Variants in CA13 observed in about 807,000 individuals in gnomAD.
CA13 encodes the protein carbonic anhydrase 13.
CA13 carries 21 observed loss-of-function variants against 31.5 expected under a neutral mutation model. That is an observed-to-expected ratio of 0.67 (90% CI 0.47 to 0.96). The LOEUF is 0.96. Ranked by LOEUF, CA13 falls within the 40% of genes least tolerant of loss-of-function variation. The pLI, the probability that CA13 is intolerant of heterozygous loss-of-function variation, is 0.00. For missense variants in CA13, 315 were observed against 318.9 expected, an observed-to-expected ratio of 0.99 and a Z score of 0.09; for synonymous variants, 117 against 111.4, an observed-to-expected ratio of 1.05 and a Z score of -0.32.
chr8:85,257,870 G>A (rs1451901286), intron 2 of CA13, among the ~76,000 whole-genome samples: 1 of 148,026 alleles, frequency 6.8e-6, no homozygotes, highest in African/African-American at 2.5e-5. Context: ...GACCTCAAGT[G>A]ATCCACCTGC....
At chr8:85,274,588 A>G (rs1322277424) in intron 6 of CA13, among the ~76,000 whole-genome samples, 2 of 152,218 alleles carry the variant, frequency 1.3e-5, no homozygotes, top group African/African-American at 4.8e-5. Context: ...AACTTACCAT[A>G]GACCCCACCT....
chr8:85,246,178 C>G lies in CA13; in HGVS notation c.37+313C>G. 5.8e-6 allele frequency: 3 copies of G among 518,810 alleles called. No individual in the cohort carries two copies. In the South Asian group the frequency reaches 6.0e-5, roughly 10 times the overall value. 32.1% of individuals were successfully genotyped at this position (518,810 alleles called of 1,614,324 possible). A position where few individuals can be genotyped will look rare whatever the true frequency, so the allele number is the denominator to read the frequency against. On this transcript the variant is annotated intron_variant, in intron 1 of 6. Coordinates refer to ENST00000321764, the MANE Select transcript of CA13 (RefSeq NM_198584.3). The stretch of plus-strand genomic sequence containing the variant: ...AGCCAAGGACTTTGCCTAGTAACAG[C>G]CACGTATCAATTACAGGCTTGGAGA...
At position 85,262,601 on chromosome 8, in the gene CA13, G is replaced by T. The variant is rs554768471; in HGVS notation, c.354+3062G>T. Among the ~76,000 whole-genome samples the T allele has an allele frequency of 1.3e-5, 2 of 152,268 alleles. 1 individual carries two copies. Among genetic ancestry groups the T allele is most frequent in the South Asian group, 4.1e-4 (2 of 4,824 alleles). ...GGTAAGTCCTGGTAAGGTTTATGAAGGTGATTCTAAGTGCAATGGGAAGCC... is the reference window on the plus strand; with the variant it reads ...GGTAAGTCCTGGTAAGGTTTATGAATGTGATTCTAAGTGCAATGGGAAGCC... On this transcript the variant is annotated intron_variant, in intron 3 of 6. Transcript: ENST00000321764.
intron 1 of CA13, chr8:85,249,722 A>C: frequency 3.6e-6 from 1 of 278,086 alleles, no homozygotes; most frequent in African/African-American, 2.3e-5. Context: ...TCAGTAGCCC[A>C]GTGTAGGTGG....
intron 2 of CA13, among the ~76,000 whole-genome samples, chr8:85,257,936 A>T (rs996313307): frequency 3.4e-5 from 5 of 148,660 alleles, no homozygotes; most frequent in African/African-American, 9.8e-5. Context: ...CCAGCCAAAA[A>T]ATATATATAT....
At chr8:85,265,496 T>C (rs1807443106) in intron 3 of CA13, among the ~76,000 whole-genome samples, 1 of 152,164 alleles carries the variant, frequency 6.6e-6, no homozygotes, top group African/African-American at 2.4e-5. Context: ...ATGAGTAGAG[T>C]TGTGAGGTGG....
intron 2 of CA13, among the ~76,000 whole-genome samples, chr8:85,255,110 T>TTCTC (rs767277699): frequency 1.3e-5 from 2 of 151,138 alleles, no homozygotes; most frequent in African/African-American, 4.9e-5. Context: ...CTCCTTCTTC[T>TTCTC]TCTCTCTCTC....
At chr8:85,251,001 C>CT (rs34303043) in intron 2 of CA13, 64 bp downstream of exon 2, 10,281 of 769,814 alleles carry the variant, frequency 0.013, 2 homozygotes, top group East Asian at 0.033. Flanking sequence ...AGACTATACT[C>CT]TTTTTTTTTT....
chr8:85,259,673 A>G, intron 3 of CA13, 134 bp downstream of exon 3: 2 of 673,596 alleles, frequency 3.0e-6, no homozygotes, highest in East Asian at 5.2e-5. Flanking sequence ...TGCTTTATTC[A>G]TTCAATATGA....
At chr8:85,277,656 C>T (rs143936915) in intron 6 of CA13, among the ~76,000 whole-genome samples, 77 of 152,282 alleles carry the variant, frequency 5.1e-4, no homozygotes, top group African/African-American at 1.4e-3. Context: ...CCTGAGAGCG[C>T]GCCAACAGCA....
Position 85,245,651 on chromosome 8 carries a change from G to GCCTCTGC in CA13, c.-176_-170dup. The stretch of plus-strand genomic sequence containing the variant: ...AGCGGCGCGGGCGCCTTCCCCGCAC[G>GCCTCTGC]CCTCTGCCGTCTGGAGGACGCAGGC... On this transcript the variant is annotated 5_prime_UTR_variant, in exon 1 of 7. Coordinates refer to ENST00000321764, the MANE Select transcript of CA13 (RefSeq NM_198584.3). The GCCTCTGC allele has an allele frequency of 3.0e-6, 2 of 658,954 alleles. No individual in the cohort carries two copies. Among genetic ancestry groups the GCCTCTGC allele is most frequent in the Non-Finnish European group, 5.2e-6 (2 of 381,526 alleles). 40.8% of individuals were successfully genotyped at this position (658,954 alleles called of 1,614,324 possible). A position where few individuals can be genotyped will look rare whatever the true frequency, so the allele number is the denominator to read the frequency against.
chr8:85,268,054 T>G (rs1017116418), intron 5 of CA13, 90 bp downstream of exon 5: 1 of 784,786 alleles, frequency 1.3e-6, no homozygotes, highest in African/African-American at 1.8e-5. Flanking sequence ...ATATGCTGCC[T>G]GCTTTGAAGT....
intron 6 of CA13, among the ~76,000 whole-genome samples, chr8:85,274,500 A>G (rs1210158564): frequency 1.3e-5 from 2 of 152,180 alleles, no homozygotes; most frequent in Admixed American, 6.5e-5. Context: ...TACATGGGCT[A>G]CTTTTCTGAT....
Position 85,268,507 on chromosome 8 carries a change from G to T in CA13, c.549G>T (p.Leu183Phe). The T allele has an allele frequency of 6.2e-7, 1 of 1,614,002 alleles. No individual in the cohort carries two copies. Among genetic ancestry groups the T allele is most frequent in the Non-Finnish European group, 8.5e-7 (1 of 1,179,960 alleles). ...KQTRFTNFDLLSLLPPSWDYW... is the reference protein window; with the variant it reads ...KQTRFTNFDLFSLLPPSWDYW... ...CTCGATTCACAAATTTTGACCTATT[G>T]TCTCTGCTTCCACCATCCTGGGACT... Residue 183 changes from leucine (L) to phenylalanine (F), a missense_variant, in exon 6 of 7, where the codon TTG becomes TTT. By Grantham distance (22) the Leu-to-Phe change is conservative. Transcript: ENST00000321764.
At chr8:85,254,396 A>G (rs1341724323) in intron 2 of CA13, among the ~76,000 whole-genome samples, 2 of 152,038 alleles carry the variant, frequency 1.3e-5, no homozygotes, top group African/African-American at 4.8e-5. Flanking sequence ...TAGTGTAAAA[A>G]TTTTCTACTC....
At chr8:85,256,273 T>C (rs1374458178) in intron 2 of CA13, among the ~76,000 whole-genome samples, 1 of 152,242 alleles carries the variant, frequency 6.6e-6, no homozygotes, top group Non-Finnish European at 1.5e-5. Flanking sequence ...TGGATTATAG[T>C]AGGCGCTCAA....
At position 85,280,269 on chromosome 8, in the gene CA13, ACT is replaced by A. The variant is rs1289240522; in HGVS notation, c.670-958_670-957del. Among the ~76,000 whole-genome samples the A allele has an allele frequency of 3.3e-5, 5 of 152,282 alleles. No individual in the cohort carries two copies. In the South Asian group the frequency reaches 1.0e-3, roughly 32 times the overall value. ...CACTCTAGCCTGGTGACACAGCAAG[ACT>A]CTGTCTCAAAAAACAAACAAATAAA... On this transcript the variant is annotated intron_variant, in intron 6 of 6. Transcript: ENST00000321764.
At chr8:85,264,978 T>C (rs1234803700) in intron 3 of CA13, among the ~76,000 whole-genome samples, 2 of 152,256 alleles carry the variant, frequency 1.3e-5, no homozygotes, top group African/African-American at 4.8e-5. Flanking sequence ...GATGCACTGT[T>C]TTATAGTTGA....
intron 4 of CA13, chr8:85,267,396 A>G (rs1807472961): frequency 1.7e-6 from 1 of 604,546 alleles, no homozygotes; most frequent in Non-Finnish European, 2.1e-6. Flanking sequence ...AAAGAGGATC[A>G]TTTATGTATC....
Sources: gnomAD v4.1 joint callset for allele counts (sites outside exome capture counted in the v4.1 genomes callset) on GRCh38, gnomAD v4.1.1 for gene constraint, MANE v1.5 for transcripts, NCBI Gene and HGNC (gene_info 2026-07-23, HGNC 2026-07-21) for gene names.